The following RAB3IP variants were observed in gnomAD, a reference collection of about 807,000 sequenced individuals.
RAB3IP encodes rab-3A-interacting protein.
A neutral mutation model predicts 59.1 loss-of-function variants in RAB3IP; 36 were observed. The observed-to-expected ratio is 0.61, with a 90% CI of 0.47 to 0.80. RAB3IP has a LOEUF of 0.80. RAB3IP is among the 30% of genes least tolerant of loss of function. RAB3IP has a pLI of 0.00. For missense variants in RAB3IP, 511 were observed against 536.0 expected (o/e 0.95, Z 0.46); for synonymous variants, 207 against 191.2 (o/e 1.08, Z -0.68).
At chr12:69,809,608 C>G (rs1005052189) in intron 8 of RAB3IP, among the ~76,000 whole-genome samples, 6 of 152,114 alleles carry the variant, frequency 3.9e-5, no homozygotes, top group African/African-American at 1.2e-4. Context: ...TCTTTTTATT[C>G]TTTTTTCTCT....
Position 69,817,249 on chromosome 12 carries a change from T to C in RAB3IP, c.*1803T>C, listed in dbSNP as rs2136296256. The stretch of plus-strand genomic sequence containing the variant: ...CCCATTAATAATAAATCTTTAGTAA[T>C]CTATAAGGGGAAGAATGCTTTTCAA... On this transcript the variant is annotated 3_prime_UTR_variant, in exon 11 of 11. Coordinates refer to ENST00000247833, the MANE Select transcript of RAB3IP (RefSeq NM_022456.5). The C allele has an allele frequency of 6.6e-6, 1 of 152,296 alleles. No homozygotes were observed. Among genetic ancestry groups the C allele is most frequent in the Middle Eastern group, 3.4e-3 (1 of 294 alleles). The allele number at this position is 152,296 out of a possible 1,614,324, so 9.4% of individuals were successfully genotyped here.
At chr12:69,769,013 G>A (rs75253731) in intron 3 of RAB3IP, among the ~76,000 whole-genome samples, 2 of 152,070 alleles carry the variant, frequency 1.3e-5, no homozygotes, top group Non-Finnish European at 2.9e-5. Context: ...TTCCTGGGCT[G>A]TTCTCCTGAT....
At chr12:69,787,603 A>G (rs1391254431) in intron 4 of RAB3IP, among the ~76,000 whole-genome samples, 1 of 152,172 alleles carries the variant, frequency 6.6e-6, no homozygotes, top group Non-Finnish European at 1.5e-5. Flanking sequence ...AAAAGAAGTC[A>G]TCACCGGGGC....
At chr12:69,782,671 A>G (rs1874936154) in intron 3 of RAB3IP, among the ~76,000 whole-genome samples, 1 of 152,060 alleles carries the variant, frequency 6.6e-6, no homozygotes, top group Admixed American at 6.5e-5. Context: ...CACATAGGTC[A>G]TTTGCAAATA....
At chr12:69,800,778 A>G (rs1878250132) in intron 7 of RAB3IP, among the ~76,000 whole-genome samples, 1 of 152,202 alleles carries the variant, frequency 6.6e-6, no homozygotes. Context: ...AAAGGATAAA[A>G]TGAAGTGGAT....
intron 3 of RAB3IP, among the ~76,000 whole-genome samples, chr12:69,781,566 C>G (rs1449141732): frequency 6.6e-6 from 1 of 152,170 alleles, no homozygotes; most frequent in Non-Finnish European, 1.5e-5. Context: ...AACCACTGAT[C>G]TTTTTAACAT....
intron 3 of RAB3IP, among the ~76,000 whole-genome samples, chr12:69,773,083 T>G (rs556358254): frequency 5.3e-5 from 8 of 152,294 alleles, no homozygotes; most frequent in African/African-American, 1.7e-4. Flanking sequence ...TGTTTTTGTT[T>G]GTTTTTTCCT....
chr12:69,745,035 A>G (rs1868272232), intron 1 of RAB3IP, among the ~76,000 whole-genome samples: 2 of 152,218 alleles, frequency 1.3e-5, no homozygotes, highest in Admixed American at 6.5e-5. Flanking sequence ...ACTATAAATT[A>G]TGGAGAGTTT....
rs139066475 is a variant in RAB3IP, at chr12:69,763,810, C to A, written c.510+7147C>A. Among the ~76,000 whole-genome samples, 640 of 152,196 alleles carry A rather than the reference C, an allele frequency of 4.2e-3. 2 individuals carry two copies. Among genetic ancestry groups the A allele is most frequent in the Non-Finnish European group, 7.7e-3 (523 of 68,012 alleles). The stretch of plus-strand genomic sequence containing the variant: ...GTTTCTATTTTTCCCATCTTTAGGT[C>A]CATGAGTACAATGTTTAGCTCCCAC... On this transcript the variant is annotated intron_variant, in intron 3 of 10. Coordinates refer to ENST00000247833, the MANE Select transcript of RAB3IP (RefSeq NM_022456.5).
At chr12:69,791,705 C>T (rs935481120) in intron 4 of RAB3IP, among the ~76,000 whole-genome samples, 4 of 152,108 alleles carry the variant, frequency 2.6e-5, no homozygotes, top group Admixed American at 2.6e-4. Context: ...AACTTGTCCA[C>T]TATTGGTGGG....
chr12:69,782,898 G>T (rs1288574105), intron 3 of RAB3IP, among the ~76,000 whole-genome samples: 1 of 151,868 alleles, frequency 6.6e-6, no homozygotes, highest in Non-Finnish European at 1.5e-5. Flanking sequence ...GGTCTTACAG[G>T]TTTATGACTT....
chr12:69,749,559 C>T (rs76772868), intron 1 of RAB3IP, among the ~76,000 whole-genome samples: 1 of 152,246 alleles, frequency 6.6e-6, no homozygotes, highest in South Asian at 2.1e-4. Flanking sequence ...AAACCTGCCT[C>T]TCTTCGAGAC....
Position 69,755,416 on chromosome 12 carries a change from A to G in RAB3IP, c.8A>G (p.Asn3Ser), listed in dbSNP as rs768567750. 3.7e-6 allele frequency: 6 copies of G among 1,614,072 alleles called. No homozygotes were observed. The highest frequency in any genetic ancestry group is 5.1e-6 in the Non-Finnish European group (6 of 1,179,954). The change falls in exon 2 of 11, where the codon AAT (asparagine) becomes AGT (serine). Residue 3 changes from asparagine to serine, a missense_variant. Transcript: ENST00000247833. Reference protein sequence around the residue: MANDPLEGFHEVN... With the variant: MASDPLEGFHEVN... ...TATGATGAGGCTTTTGCTATGGCTA[A>G]TGATCCCTTGGAAGGCTTCCATGAA... is the stretch of plus-strand genomic sequence containing the variant.
At chr12:69,798,016 T>A (rs1217353162) in intron 6 of RAB3IP, among the ~76,000 whole-genome samples, 3 of 152,166 alleles carry the variant, frequency 2.0e-5, no homozygotes, top group African/African-American at 7.2e-5. Flanking sequence ...CAGCATGATT[T>A]ATAGTCCTTT....
intron 8 of RAB3IP, among the ~76,000 whole-genome samples, chr12:69,810,316 G>A (rs537070545): frequency 1.4e-4 from 22 of 152,272 alleles, no homozygotes; most frequent in Non-Finnish European, 3.1e-4. Flanking sequence ...CTACTGGGGG[G>A]TGCCTCCCAG....
At position 69,784,746 on chromosome 12, in the gene RAB3IP, T is replaced by C. The variant is rs1360082695; in HGVS notation, c.537T>C (p.Cys179=). ...QRELKLKDEE[C]ERLSKVRDQL... ...AACTGAAGTTAAAAGATGAAGAATG[T>C]GAGAGGCTTTCAAAAGTGCGAGATC... Residue 179 remains cysteine (C), a synonymous_variant, in exon 4 of 11, where the codon TGT becomes TGC. Coordinates refer to ENST00000247833, the MANE Select transcript of RAB3IP (RefSeq NM_022456.5). 6.2e-7 allele frequency: 1 copy of C among 1,607,606 alleles called. No individual in the cohort carries two copies. The highest frequency in any genetic ancestry group is 8.5e-7 in the Non-Finnish European group (1 of 1,176,080).
intron 2 of RAB3IP, among the ~76,000 whole-genome samples, chr12:69,756,144 T>A (rs1381842457): frequency 2.0e-5 from 3 of 152,264 alleles, no homozygotes; most frequent in South Asian, 2.1e-4. Flanking sequence ...TGTTAACCCC[T>A]GCTCTTGAGT....
intron 1 of RAB3IP, among the ~76,000 whole-genome samples, chr12:69,751,601 C>T (rs1225815321): frequency 6.6e-6 from 1 of 152,118 alleles, no homozygotes; most frequent in African/African-American, 2.4e-5. Flanking sequence ...TTCCAAATGA[C>T]ATTAGCATAA....
At chr12:69,772,971 A>C (rs181244003) in intron 3 of RAB3IP, among the ~76,000 whole-genome samples, 7 of 152,272 alleles carry the variant, frequency 4.6e-5, no homozygotes, top group African/African-American at 1.4e-4. Flanking sequence ...CATTTCTTGT[A>C]AGATAATTCT....
Sources: allele counts gnomAD v4.1 joint callset (sites outside exome capture counted in the v4.1 genomes callset), GRCh38; gene constraint gnomAD v4.1.1; transcripts MANE v1.5; gene names NCBI Gene and HGNC (gene_info 2026-07-23, HGNC 2026-07-21).